The following SNX13 variants were observed in gnomAD, a reference collection of about 807,000 sequenced individuals.
SNX13 encodes the protein sorting nexin 13, also known as sorting nexin-13.
In SNX13, 45 loss-of-function variants were observed where a neutral mutation model predicts 133.6. The ratio of observed to expected loss-of-function variants is 0.34; its 90% CI spans 0.27 to 0.43. SNX13 has a LOEUF of 0.43. SNX13 is among the 20% of genes least tolerant of loss of function. The pLI is 1.00. For missense variants in SNX13, 1,032 were observed against 1,145.1 expected (o/e 0.90, Z 1.43); for synonymous variants, 414 against 373.9 (o/e 1.11, Z -1.24).
At position 17,850,978 on chromosome 7, in the gene SNX13, T is replaced by C; in HGVS notation, c.838-14A>G. On this transcript the variant is annotated splice_polypyrimidine_tract_variant and intron_variant, in intron 9 of 25. Coordinates refer to ENST00000428135, the MANE Select transcript of SNX13 (RefSeq NM_015132.5). Reference sequence around the variant, plus strand: ...AGAATCACGGATCTGAAAACAAGTTTAAGAAAAACAGGTGGGAGAGGAACT... The same window carrying C: ...AGAATCACGGATCTGAAAACAAGTTCAAGAAAAACAGGTGGGAGAGGAACT... 1 of 1,594,222 alleles carries C rather than the reference T, an allele frequency of 6.3e-7. No individual in the cohort carries two copies. The highest frequency in any genetic ancestry group is 8.5e-7 in the Non-Finnish European group (1 of 1,170,928).
chr7:17,817,448 T>C (rs771736627), intron 18 of SNX13, among the ~76,000 whole-genome samples: 1 of 152,162 alleles, frequency 6.6e-6, no homozygotes, highest in Non-Finnish European at 1.5e-5. Flanking sequence ...TAATTCTTGG[T>C]GCAGAGATTA....
chr7:17,873,852 G>T (rs1045506242), intron 7 of SNX13, among the ~76,000 whole-genome samples: 1 of 151,758 alleles, frequency 6.6e-6, no homozygotes, highest in African/African-American at 2.4e-5. Context: ...CCAGTTTTTT[G>T]AATCATAAAA....
intron 1 of SNX13, among the ~76,000 whole-genome samples, chr7:17,904,238 T>C (rs73680509): frequency 0.038 from 5,712 of 152,300 alleles, 343 homozygotes; most frequent in African/African-American, 0.13. Context: ...AGATTGCCGC[T>C]AACTTTCTGC....
At chr7:17,895,400 C>A (rs1162040033) in intron 2 of SNX13, among the ~76,000 whole-genome samples, 1 of 152,064 alleles carries the variant, frequency 6.6e-6, no homozygotes, top group Non-Finnish European at 1.5e-5. Context: ...TTTCCAAAAG[C>A]ATTCTTTATA....
chr7:17,913,255 G>C lies in SNX13; in HGVS notation c.13-15809C>G, dbSNP rs545288461. Reference sequence around the variant, plus strand: ...CAAAATCTGGGAATGAACTTGAAGAGGGGGTAATCTCTTAATCCCCACCAC... The same window carrying C: ...CAAAATCTGGGAATGAACTTGAAGACGGGGTAATCTCTTAATCCCCACCAC... On this transcript the variant is annotated intron_variant, in intron 1 of 25. Transcript: ENST00000428135. Among the ~76,000 whole-genome samples, 4 of 152,314 alleles carry C rather than the reference G, an allele frequency of 2.6e-5. No individual in the cohort carries two copies. In the South Asian group the frequency reaches 8.3e-4, roughly 32 times the overall value.
At chr7:17,891,442 T>G (rs1235153902) in intron 4 of SNX13, 104 bp downstream of exon 4, 1 of 708,760 alleles carries the variant, frequency 1.4e-6, no homozygotes, top group South Asian at 2.6e-5. Flanking sequence ...ATTAAGAAAT[T>G]CCAGGATATT....
In SNX13 at chr7:17,940,437, C is replaced by T. The variant is rs559554797; in HGVS notation, c.-142G>A. ...CCCGGGCGGCGGTTTTACTCGGCTT[C>T]GCTGGCCTCCCCTCGGCCCGGTCGC... On this transcript the variant is annotated 5_prime_UTR_variant, in exon 1 of 26. Transcript: ENST00000428135. 2 of 918,230 alleles carry T rather than the reference C, an allele frequency of 2.2e-6. No individual in the cohort carries two copies. Among genetic ancestry groups the T allele is most frequent in the Admixed American group, 2.0e-5 (1 of 50,264 alleles). 56.9% of individuals were successfully genotyped at this position (918,230 alleles called of 1,614,324 possible). A position where few individuals can be genotyped will look rare whatever the true frequency, so the allele number is the denominator to read the frequency against.
At position 17,803,350 on chromosome 7, in the gene SNX13, C is replaced by T. The variant is rs893327831; in HGVS notation, c.2226+69G>A. 35 of 1,413,616 alleles carry T rather than the reference C, an allele frequency of 2.5e-5. No homozygotes were observed. In the African/African-American group the frequency reaches 4.6e-4, roughly 18 times the overall value. The allele number at this position is 1,413,616 out of a possible 1,614,324, so 87.6% of individuals were successfully genotyped here. ...GGTTAAGGGACTAAGGTAAATCCAA[C>T]CAGAATTCAATACATCTTATTGACT... On this transcript the variant is annotated intron_variant, in intron 21 of 25. Transcript: ENST00000428135.
At chr7:17,813,260 T>C (rs1252292802) in intron 20 of SNX13, among the ~76,000 whole-genome samples, 2 of 152,212 alleles carry the variant, frequency 1.3e-5, no homozygotes, top group Non-Finnish European at 2.9e-5. Context: ...AAAATGGATA[T>C]AATCTTTAAA....
intron 1 of SNX13, among the ~76,000 whole-genome samples, chr7:17,916,259 C>A (rs780094104): frequency 6.6e-6 from 1 of 152,068 alleles, no homozygotes; most frequent in Non-Finnish European, 1.5e-5. Context: ...ACTCCAAAAA[C>A]GAGCAGAAGA....
At chr7:17,819,914 CAA>C (rs1787097644) in intron 18 of SNX13, among the ~76,000 whole-genome samples, 1 of 142,786 alleles carries the variant, frequency 7.0e-6, no homozygotes, top group Non-Finnish European at 1.5e-5. Flanking sequence ...CACACACACA[CAA>C]ACACACAAAA....
intron 1 of SNX13, among the ~76,000 whole-genome samples, chr7:17,919,747 G>A (rs1401243562): frequency 1.3e-5 from 2 of 152,162 alleles, no homozygotes; most frequent in South Asian, 4.1e-4. Context: ...TAACGTAATT[G>A]CTCTTCAGTT....
intron 25 of SNX13, chr7:17,795,424 A>G (rs1783939059): frequency 1.3e-5 from 2 of 151,712 alleles, no homozygotes; most frequent in South Asian, 4.1e-4. Context: ...TTATGTATAT[A>G]TAAATTTATA....
chr7:17,909,083 C>G (rs760065975), intron 1 of SNX13, among the ~76,000 whole-genome samples: 2 of 151,844 alleles, frequency 1.3e-5, no homozygotes, highest in Non-Finnish European at 2.9e-5. Context: ...GCAAAAGAAA[C>G]AGATGAAAAG....
chr7:17,817,640 AGGGTAGAGGTAAT>A (rs1203527755), intron 18 of SNX13, among the ~76,000 whole-genome samples: 1 of 152,218 alleles, frequency 6.6e-6, no homozygotes, highest in Non-Finnish European at 1.5e-5. Context: ...AAACCAATAA[AGGGTAGAGGTAAT>A]TTATAGAGAA....
At chr7:17,843,898 T>A (rs1790192718) in intron 12 of SNX13, among the ~76,000 whole-genome samples, 1 of 151,596 alleles carries the variant, frequency 6.6e-6, no homozygotes, top group Non-Finnish European at 1.5e-5. Context: ...AATTAGAAAA[T>A]ACATAAATAT....
chr7:17,805,254 T>TGCGTGCGCGCGC (rs1554304326), intron 20 of SNX13, among the ~76,000 whole-genome samples: 7 of 132,526 alleles, frequency 5.3e-5, no homozygotes, highest in South Asian at 2.5e-4. Flanking sequence ...TGTGTGTGCG[T>TGCGTGCGCGCGC]GCGCGCGCGC....
chr7:17,797,873 T>G, intron 24 of SNX13, among the ~76,000 whole-genome samples: 1 of 151,840 alleles, frequency 6.6e-6, no homozygotes, highest in East Asian at 1.9e-4. Flanking sequence ...GATTCCCCAC[T>G]TTGTAGCCTG....
intron 1 of SNX13, among the ~76,000 whole-genome samples, chr7:17,907,624 C>T (rs186690929): frequency 6.6e-6 from 1 of 152,086 alleles, no homozygotes; most frequent in Admixed American, 6.5e-5. Context: ...CAACACCCCC[C>T]CTGAAAATAA....
Sources: gnomAD v4.1 joint callset for allele counts (sites outside exome capture counted in the v4.1 genomes callset) on GRCh38, gnomAD v4.1.1 for gene constraint, MANE v1.5 for transcripts, NCBI Gene and HGNC (gene_info 2026-07-23, HGNC 2026-07-21) for gene names.